CYGB: variants seen among roughly 807,000 people sequenced by gnomAD.
The protein encoded by CYGB is histoglobin.
Under a neutral mutation model 20.7 loss-of-function variants are expected in CYGB, and 13 were observed. That is an observed-to-expected ratio of 0.63 (90% confidence interval 0.41 to 1.00). The LOEUF (loss-of-function observed/expected upper bound fraction) is 1.00. Ranked by LOEUF, CYGB falls within the 50% of genes least tolerant of loss-of-function variation. CYGB has a pLI of 0.00. For missense variants in CYGB, 218 were observed against 257.2 expected, an observed-to-expected ratio of 0.85 and a Z score of 1.04; for synonymous variants, 93 against 107.4, an observed-to-expected ratio of 0.87 and a Z score of 0.83.
At chr17:76,550,412 C>A (rs1341584149) in intron 1 of CYGB, 1 of 151,744 alleles carries the variant, frequency 6.6e-6, no homozygotes, top group Non-Finnish European at 1.5e-5. Context: ...AGATGCCCAC[C>A]ACCACGCCCA....
At chr17:76,529,564 C>G in intron 3 of CYGB, 1 of 985,314 alleles carries the variant, frequency 1.0e-6, no homozygotes, top group Non-Finnish European at 1.2e-6. Flanking sequence ...TGTAAAAAAG[C>G]CCTTTTCTCT....
At chr17:76,542,348 T>C (rs2075001723), upstream of CYGB, among the ~76,000 whole-genome samples, 1 of 152,158 alleles carries the variant, frequency 6.6e-6, no homozygotes, top group South Asian at 2.1e-4. Context: ...CACCTGCCGA[T>C]GGTGGCTGCC....
At position 76,528,829 on chromosome 17, in the gene CYGB, G is replaced by A. The variant is rs754508091; in HGVS notation, c.540-218C>T. 4.5e-5 allele frequency: 53 copies of A among 1,188,190 alleles called. No homozygotes were observed. The highest frequency in any genetic ancestry group is 2.7e-4 in the South Asian group (6 of 22,594). The allele number at this position is 1,188,190 out of a possible 1,614,324, so 73.6% of individuals were successfully genotyped here. A position where few individuals can be genotyped will look rare whatever the true frequency, so the allele number is the denominator to read the frequency against. The stretch of plus-strand genomic sequence containing the variant: ...AAGTCTACTGGCCCATGGGAGCTCC[G>A]GATCTTTTTCTCTAAAATGTGAATA... On this transcript the variant is annotated intron_variant, in intron 3 of 3. Coordinates refer to ENST00000293230, the MANE Select transcript of CYGB (RefSeq NM_134268.5). The surrounding 1 kb of genome is among the most constrained non-coding windows in gnomAD (Gnocchi z 5.8).
At position 76,527,832 on chromosome 17, in the gene CYGB, C is replaced by G. The variant is rs989905522; in HGVS notation, c.*746G>C. 1 of 453,384 alleles carries G rather than the reference C, an allele frequency of 2.2e-6. No homozygotes were observed. Among genetic ancestry groups the G allele is most frequent in the Non-Finnish European group, 4.4e-6 (1 of 226,312 alleles). The allele number at this position is 453,384 out of a possible 1,614,324, so 28.1% of individuals were successfully genotyped here. A position where few individuals can be genotyped will look rare whatever the true frequency, so the allele number is the denominator to read the frequency against. On this transcript the variant is annotated 3_prime_UTR_variant, in exon 4 of 4. Transcript: ENST00000293230. The stretch of plus-strand genomic sequence containing the variant: ...CTGCCCCTGCCCATTCTAGGACAGC[C>G]GGTGAGTCAGTTCCTCTGAGGGAGT...
chr17:76,549,242 T>C (rs1318240809), intron 1 of CYGB, among the ~76,000 whole-genome samples: 1 of 152,156 alleles, frequency 6.6e-6, no homozygotes, highest in Non-Finnish European at 1.5e-5. Flanking sequence ...CTTTTACAAT[T>C]CGATAATAAG....
In CYGB at chr17:76,530,843, G is replaced by A; in HGVS notation, c.539+136C>T. On this transcript the variant is annotated intron_variant, in intron 3 of 3. Coordinates refer to ENST00000293230, the MANE Select transcript of CYGB (RefSeq NM_134268.5). The surrounding 1 kb of genome is among the most constrained non-coding windows in gnomAD (Gnocchi z 6.1). ...CTATTATGCCTGTTCTTACATGTCA[G>A]ACCCCAGGGTTGGCCTGCCTCAAGT... The A allele has an allele frequency of 1.1e-6, 1 of 933,232 alleles. No homozygotes were observed. 57.8% of individuals were successfully genotyped at this position (933,232 alleles called of 1,614,324 possible).
At position 76,530,038 on chromosome 17, in the gene CYGB, C is replaced by T. The variant is rs565732883; in HGVS notation, c.539+941G>A. On this transcript the variant is annotated intron_variant, in intron 3 of 3. Transcript: ENST00000293230. This position sits in a 1 kb window ranked among gnomAD's most constrained non-coding sequence, Gnocchi z 6.1. ...GAGCTGTGCCTGTGAACAGAAGGGCCGGCAGTCTTGGGGGCCCGTGCAGAG... is the reference window on the plus strand; with the variant it reads ...GAGCTGTGCCTGTGAACAGAAGGGCTGGCAGTCTTGGGGGCCCGTGCAGAG... The T allele has an allele frequency of 7.1e-6, 7 of 985,368 alleles. No individual in the cohort carries two copies. Among genetic ancestry groups the T allele is most frequent in the Admixed American group, 6.1e-5 (1 of 16,286 alleles). 61.0% of individuals were successfully genotyped at this position (985,368 alleles called of 1,614,324 possible).
upstream of CYGB, chr17:76,542,467 G>A (rs2075002979): frequency 6.7e-7 from 1 of 1,495,624 alleles, no homozygotes; most frequent in Admixed American, 1.7e-5. Context: ...TGAATTGATA[G>A]GGATGGGAGG....
upstream of CYGB, among the ~76,000 whole-genome samples, chr17:76,539,847 G>A (rs140033595): frequency 5.3e-5 from 8 of 152,322 alleles, no homozygotes; most frequent in East Asian, 1.3e-3. Flanking sequence ...TAGAGTGGCA[G>A]CTCCTTGCAA....
chr17:76,546,987 G>A lies in CYGB; in HGVS notation c.-53+3875C>T, dbSNP rs956658520. The A allele has an allele frequency of 6.6e-6, 1 of 152,234 alleles. No individual in the cohort carries two copies. The highest frequency in any genetic ancestry group is 2.4e-5 in the African/African-American group (1 of 41,460). The allele number at this position is 152,234 out of a possible 1,614,324, so 9.4% of individuals were successfully genotyped here. A position where few individuals can be genotyped will look rare whatever the true frequency, so the allele number is the denominator to read the frequency against. ...GCCCAAGTCTCGAGTTGGGGGCCGT[G>A]AGGAAATTTTGATTGTGACCTGTCT... is the stretch of plus-strand genomic sequence containing the variant. On this transcript the variant is annotated intron_variant, in intron 1 of 3. Coordinates refer to the CYGB transcript ENST00000589145. This position sits in a 1 kb window ranked among gnomAD's most constrained non-coding sequence, Gnocchi z 4.5.
At chr17:76,529,296 C>A (rs1192810756) in intron 3 of CYGB, 1 of 985,336 alleles carries the variant, frequency 1.0e-6, no homozygotes, top group Non-Finnish European at 1.2e-6. Flanking sequence ...GACCACCCCA[C>A]CACTTGACAG....
At chr17:76,547,547 G>C (rs1159648933) in intron 1 of CYGB, among the ~76,000 whole-genome samples, 3 of 152,084 alleles carry the variant, frequency 2.0e-5, no homozygotes, top group Admixed American at 2.0e-4. Context: ...GACTGTAGTG[G>C]GGGACTGAGA....
At position 76,530,142 on chromosome 17, in the gene CYGB, G is replaced by T; in HGVS notation, c.539+837C>A. ...CCACGGGAATGTTTCTCTACCACGC[G>T]TGTCCCGGGCTGCTGGCTGACCTCT... On this transcript the variant is annotated intron_variant, in intron 3 of 3. Coordinates refer to ENST00000293230, the MANE Select transcript of CYGB (RefSeq NM_134268.5). The surrounding 1 kb of genome is among the most constrained non-coding windows in gnomAD (Gnocchi z 6.1). 1 of 965,478 alleles carries T rather than the reference G, an allele frequency of 1.0e-6. No individual in the cohort carries two copies. Among genetic ancestry groups the T allele is most frequent in the Non-Finnish European group, 1.2e-6 (1 of 811,882 alleles). 59.8% of individuals were successfully genotyped at this position (965,478 alleles called of 1,614,324 possible). A position where few individuals can be genotyped will look rare whatever the true frequency, so the allele number is the denominator to read the frequency against.
Position 76,537,567 on chromosome 17 carries a change from T to G in CYGB, c.-25A>C. 7.6e-7 allele frequency: 1 copy of G among 1,317,982 alleles called. No individual in the cohort carries two copies. Among genetic ancestry groups the G allele is most frequent in the Non-Finnish European group, 9.8e-7 (1 of 1,021,206 alleles). The allele number at this position is 1,317,982 out of a possible 1,614,324, so 81.6% of individuals were successfully genotyped here. On this transcript the variant is annotated 5_prime_UTR_variant, in exon 1 of 4. Transcript: ENST00000293230. ...TGAGCAGCTCCAAGCCCAGCCCGGC[T>G]TTGCTCGGCGGCGGCGGTGGCGGGG...
chr17:76,544,373 G>T, intron 1 of CYGB: 1 of 454,814 alleles, frequency 2.2e-6, no homozygotes, highest in Non-Finnish European at 4.4e-6. Flanking sequence ...GGGAAAGGGT[G>T]AGGGATGCCG....
At chr17:76,539,447 G>C (rs915229022), upstream of CYGB, among the ~76,000 whole-genome samples, 1 of 152,184 alleles carries the variant, frequency 6.6e-6, no homozygotes, top group African/African-American at 2.4e-5. Flanking sequence ...GCCTTTTACT[G>C]AAGAGGGCGT....
chr17:76,542,474 G>A (rs1273542258), upstream of CYGB: 17 of 1,512,048 alleles, frequency 1.1e-5, no homozygotes, highest in Non-Finnish European at 1.6e-5. Context: ...ATAGGGATGG[G>A]AGGAGGAGGA....
chr17:76,531,025 C>T lies in CYGB; in HGVS notation c.493G>A (p.Ala165Thr). The T allele has an allele frequency of 6.2e-7, 1 of 1,613,288 alleles. No individual in the cohort carries two copies. Among genetic ancestry groups the T allele is most frequent in the South Asian group, 1.1e-5 (1 of 91,032 alleles). ...RGLIYSHVTA[A>T]YKEVGWVQQV... ...TGCACCCAGCCCACTTCCTTGTAGG[C>T]AGCGGTCACGTGGCTGTAGATGAGG... The change falls in exon 3 of 4, where the codon GCC (alanine) becomes ACC (threonine). Residue 165 changes from alanine (A) to threonine (T), a missense_variant. Physicochemically the swap from Ala to Thr is moderately conservative, Grantham distance 58. This residue lies in a region of CYGB where 66 missense variants were observed against 107.4 expected (regional missense o/e 0.61). Transcript: ENST00000293230. The surrounding 1 kb of genome is among the most constrained non-coding windows in gnomAD (Gnocchi z 7.4).
chr17:76,532,886 AGACAT>A (rs2074864837), intron 1 of CYGB, among the ~76,000 whole-genome samples: 1 of 152,184 alleles, frequency 6.6e-6, no homozygotes, highest in Admixed American at 6.5e-5. Context: ...ATGTCATGTG[AGACAT>A]GGGCACCGAC....
Sources: allele counts gnomAD v4.1 joint callset (sites outside exome capture counted in the v4.1 genomes callset), GRCh38; gene constraint gnomAD v4.1.1; regional missense constraint gnomAD v4.1.1; non-coding constraint Gnocchi (gnomAD v3.1); transcripts MANE v1.5; gene names NCBI Gene and HGNC (gene_info 2026-07-23, HGNC 2026-07-21).